Variants in VRTN observed in about 807,000 individuals in gnomAD.
VRTN encodes vertebrae development associated.
In VRTN, 5 loss-of-function variants were observed where a neutral mutation model predicts 18.2. The ratio of observed to expected loss-of-function variants is 0.27; its 90% CI spans 0.14 to 0.58. VRTN has a LOEUF of 0.58. Ranked by LOEUF, VRTN falls within the 20% of genes least tolerant of loss-of-function variation. The pLI, the probability that VRTN is intolerant of heterozygous loss-of-function variation, is 0.91. For missense variants in VRTN, 741 were observed against 939.4 expected (o/e 0.79, Z 2.76); for synonymous variants, 381 against 393.7 (o/e 0.97, Z 0.38).
chr14:74,339,016 T>C (rs2085583408), intron 2 of VRTN, among the ~76,000 whole-genome samples: 1 of 151,874 alleles, frequency 6.6e-6, no homozygotes, highest in African/African-American at 2.4e-5. Flanking sequence ...TGAGCCACTG[T>C]GCCAAGCCAT....
At chr14:74,305,148 A>G (rs1006971216) in intron 1 of VRTN, among the ~76,000 whole-genome samples, 4 of 152,110 alleles carry the variant, frequency 2.6e-5, no homozygotes, top group Admixed American at 2.0e-4. Flanking sequence ...CCTGGCCAAC[A>G]TGACAAAATC....
At chr14:74,341,873 G>C (rs1459149768) in intron 2 of VRTN, among the ~76,000 whole-genome samples, 2 of 152,164 alleles carry the variant, frequency 1.3e-5, no homozygotes, top group African/African-American at 2.4e-5. Context: ...TCTGAAATCT[G>C]AATTTTGTTC....
At chr14:74,312,315 T>C (rs1472014882) in intron 1 of VRTN, among the ~76,000 whole-genome samples, 1 of 152,236 alleles carries the variant, frequency 6.6e-6, no homozygotes, top group Non-Finnish European at 1.5e-5. Context: ...TTTTGTTTTT[T>C]AAAAGCATGT....
At chr14:74,312,068 C>T (rs2085392003) in intron 1 of VRTN, among the ~76,000 whole-genome samples, 1 of 152,186 alleles carries the variant, frequency 6.6e-6, no homozygotes, top group Non-Finnish European at 1.5e-5. Flanking sequence ...CCGCGCCCAG[C>T]CAGCATACAC....
chr14:74,320,284 G>A (rs867437965), intron 1 of VRTN, among the ~76,000 whole-genome samples: 13 of 121,058 alleles, frequency 1.1e-4, no homozygotes, highest in Non-Finnish European at 2.0e-4. Context: ...TTTTTGAGAC[G>A]GAGTCTCGCT....
chr14:74,322,444 C>T (rs1468158310), intron 1 of VRTN, among the ~76,000 whole-genome samples: 3 of 152,194 alleles, frequency 2.0e-5, no homozygotes, highest in African/African-American at 4.8e-5. Context: ...GCCACTGCAC[C>T]TGGCCTATTT....
intron 1 of VRTN, among the ~76,000 whole-genome samples, chr14:74,332,980 A>T (rs992029567): frequency 1.3e-5 from 2 of 152,094 alleles, no homozygotes; most frequent in African/African-American, 4.8e-5. Flanking sequence ...TTCTCGGGTT[A>T]TGGTTATTTG....
chr14:74,330,859 G>T (rs748478586), intron 1 of VRTN, among the ~76,000 whole-genome samples: 13 of 151,976 alleles, frequency 8.6e-5, no homozygotes, highest in Non-Finnish European at 1.9e-4. Flanking sequence ...GCCTCATTCC[G>T]AAGGGCAAGA....
chr14:74,333,409 G>T (rs143426113), intron 1 of VRTN, among the ~76,000 whole-genome samples: 91 of 151,374 alleles, frequency 6.0e-4, no homozygotes, highest in African/African-American at 2.2e-3. Flanking sequence ...AGGATCACTT[G>T]AACCCGGGAG....
At chr14:74,346,662 A>G (rs141938341), upstream of VRTN, among the ~76,000 whole-genome samples, 226 of 152,340 alleles carry the variant, frequency 1.5e-3, no homozygotes, top group African/African-American at 5.1e-3. Flanking sequence ...GATTAGAACA[A>G]AATATACTGA....
chr14:74,344,748 T>A (rs28375073), upstream of VRTN, among the ~76,000 whole-genome samples: 9,396 of 40,708 alleles, frequency 0.23, 1,374 homozygotes, highest in African/African-American at 0.54. Flanking sequence ...AAAAAAAAAA[T>A]GAAAAAAAGA....
intron 1 of VRTN, among the ~76,000 whole-genome samples, chr14:74,310,533 GTTT>G (rs71449187): frequency 2.4e-5 from 3 of 124,072 alleles, no homozygotes; most frequent in Admixed American, 8.6e-5. Context: ...TGCTGCCTCT[GTTT>G]TTTTTTTTTT....
intron 2 of VRTN, among the ~76,000 whole-genome samples, chr14:74,338,063 T>A (rs2085577235): frequency 6.6e-6 from 1 of 152,186 alleles, no homozygotes; most frequent in Admixed American, 6.6e-5. Context: ...GTGCCATATA[T>A]ATTCTTTTTT....
chr14:74,347,204 A>G (rs1437161784), upstream of VRTN, among the ~76,000 whole-genome samples: 1 of 152,198 alleles, frequency 6.6e-6, no homozygotes, highest in African/African-American at 2.4e-5. Context: ...TTAACCACAA[A>G]GTCAGGCTGG....
At chr14:74,335,823 C>G (rs1268849723) in intron 1 of VRTN, among the ~76,000 whole-genome samples, 1 of 151,216 alleles carries the variant, frequency 6.6e-6, no homozygotes, top group African/African-American at 2.4e-5. Flanking sequence ...TGACTGCAAC[C>G]TCCGCCTCTT....
intron 1 of VRTN, among the ~76,000 whole-genome samples, chr14:74,330,422 A>G (rs2085513870): frequency 6.7e-6 from 1 of 150,202 alleles, no homozygotes; most frequent in African/African-American, 2.5e-5. Context: ...GTTGAAGTAT[A>G]GCCCTTAGCA....
intron 1 of VRTN, among the ~76,000 whole-genome samples, chr14:74,318,692 G>T (rs1334899106): frequency 1.4e-5 from 2 of 141,440 alleles, no homozygotes; most frequent in Non-Finnish European, 3.1e-5. Context: ...GATTACAGGC[G>T]TGAGCCACCG....
At chr14:74,303,211 T>TA in intron 1 of VRTN, 1 of 355,292 alleles carries the variant, frequency 2.8e-6, no homozygotes, top group Non-Finnish European at 5.0e-6. Context: ...AATAGATGTT[T>TA]TACATATTCT....
chr14:74,304,609 C>T (rs1439114727), intron 1 of VRTN, among the ~76,000 whole-genome samples: 3 of 152,172 alleles, frequency 2.0e-5, no homozygotes, highest in African/African-American at 7.2e-5. Flanking sequence ...CCTCTACGCA[C>T]TAGATGCCGG....
Sources: allele counts gnomAD v4.1 joint callset (sites outside exome capture counted in the v4.1 genomes callset), GRCh38; gene constraint gnomAD v4.1.1; transcripts MANE v1.5; gene names NCBI Gene and HGNC (gene_info 2026-07-23, HGNC 2026-07-21).